The following NEK7 variants were observed in gnomAD, a reference collection of about 807,000 sequenced individuals.
The protein encoded by NEK7 is NIMA related kinase 7, also known as serine/threonine-protein kinase Nek7.
Under a neutral mutation model 44.6 loss-of-function variants are expected in NEK7, and 18 were observed. That is an observed-to-expected ratio of 0.40 (90% CI 0.28 to 0.60). The LOEUF is 0.60. NEK7 is among the 20% of genes least tolerant of loss of function. NEK7 has a pLI of 0.38. For synonymous variants in NEK7, 130 were observed against 121.1 expected, an observed-to-expected ratio of 1.07 and a Z score of -0.48; for missense variants, 256 against 366.5, an observed-to-expected ratio of 0.70 and a Z score of 2.46.
At chr1:198,161,654 G>A (rs1451306442) in intron 1 of NEK7, among the ~76,000 whole-genome samples, 1 of 152,038 alleles carries the variant, frequency 6.6e-6, no homozygotes, top group African/African-American at 2.4e-5. Flanking sequence ...GAGTTTGTCA[G>A]CATAAGAACC....
At chr1:198,259,247 C>T (rs1477880664) in intron 3 of NEK7, among the ~76,000 whole-genome samples, 1 of 151,932 alleles carries the variant, frequency 6.6e-6, no homozygotes, top group Non-Finnish European at 1.5e-5. Context: ...TTATGGTTTC[C>T]TAAAACTCTT....
chr1:198,297,197 A>G lies in NEK7; in HGVS notation c.755A>G (p.Gln252Arg). The G allele has an allele frequency of 6.2e-7, 1 of 1,613,666 alleles. No individual in the cohort carries two copies. The highest frequency in any genetic ancestry group is 8.5e-7 in the Non-Finnish European group (1 of 1,179,750). The change falls in exon 9 of 10, where the codon CAG (glutamine) becomes CGG (arginine). Residue 252 changes from glutamine (Q) to arginine (R), a missense_variant. Around this residue, in one of 3 missense-constraint regions of NEK7, gnomAD observed 58 missense variants for 66.5 expected, o/e 0.87. Transcript: ENST00000367385. ...NLYSLCKKIE[Q>R]CDYPPLPSDH... ...TACTCACTGTGTAAGAAGATAGAACAGTGTGACTACCCACCTCTTCCTTCA... is the reference window on the plus strand; with the variant it reads ...TACTCACTGTGTAAGAAGATAGAACGGTGTGACTACCCACCTCTTCCTTCA...
At chr1:198,272,183 A>C (rs1489639941) in intron 5 of NEK7, among the ~76,000 whole-genome samples, 1 of 151,702 alleles carries the variant, frequency 6.6e-6, no homozygotes, top group Non-Finnish European at 1.5e-5. Context: ...CCGTGAAATG[A>C]CCATTATTTA....
intron 1 of NEK7, among the ~76,000 whole-genome samples, chr1:198,163,402 A>T (rs1438950844): frequency 1.3e-5 from 2 of 152,008 alleles, no homozygotes; most frequent in East Asian, 3.9e-4. Context: ...AGGCTAAGGC[A>T]GGAGGATTGC....
intron 2 of NEK7, among the ~76,000 whole-genome samples, chr1:198,239,860 C>A (rs1047271660): frequency 2.6e-5 from 4 of 152,094 alleles, no homozygotes; most frequent in African/African-American, 9.7e-5. Flanking sequence ...TCCACAAACC[C>A]CGACAGGATA....
chr1:198,169,260 T>G (rs539929264), intron 1 of NEK7, among the ~76,000 whole-genome samples: 1 of 152,318 alleles, frequency 6.6e-6, no homozygotes, highest in African/African-American at 2.4e-5. Context: ...ATGAGATGCT[T>G]CTTATTTTTG....
At chr1:198,171,605 G>A (rs1270336734) in intron 1 of NEK7, among the ~76,000 whole-genome samples, 1 of 152,028 alleles carries the variant, frequency 6.6e-6, no homozygotes, top group Non-Finnish European at 1.5e-5. Context: ...CTGGAACCCA[G>A]GAAGTGGAGG....
intron 5 of NEK7, among the ~76,000 whole-genome samples, chr1:198,267,014 T>TCCTTCCAATTTTTTATCTTTA (rs1653675138): frequency 6.6e-6 from 1 of 152,090 alleles, no homozygotes; most frequent in Non-Finnish European, 1.5e-5. Context: ...TACTTGTGTC[T>TCCTTCCAATTTTTTATCTTTA]GTTACTGTTC....
intron 2 of NEK7, among the ~76,000 whole-genome samples, chr1:198,242,992 C>G (rs1051994486): frequency 3.3e-5 from 5 of 151,968 alleles, no homozygotes; most frequent in African/African-American, 1.2e-4. Context: ...CCTCTTTAAC[C>G]TCATTTCTAA....
At chr1:198,276,911 T>C (rs1654034392) in intron 5 of NEK7, among the ~76,000 whole-genome samples, 3 of 151,668 alleles carry the variant, frequency 2.0e-5, no homozygotes, top group Admixed American at 2.0e-4. Context: ...GGTAGCTGTT[T>C]TAGAATTTTC....
At chr1:198,308,840 T>TC (rs57847375) in intron 9 of NEK7, among the ~76,000 whole-genome samples, 6,679 of 152,156 alleles carry the variant, frequency 0.044, 229 homozygotes, top group Middle Eastern at 0.065. Flanking sequence ...TAGAATTCTC[T>TC]CCCCCCCTTT....
At chr1:198,161,863 T>C (rs757517480) in intron 1 of NEK7, among the ~76,000 whole-genome samples, 1 of 152,012 alleles carries the variant, frequency 6.6e-6, no homozygotes, top group Non-Finnish European at 1.5e-5. Context: ...AACTTACTCA[T>C]ATGTTTCTTT....
chr1:198,171,764 G>C (rs975619446), intron 1 of NEK7, among the ~76,000 whole-genome samples: 1 of 152,056 alleles, frequency 6.6e-6, no homozygotes, highest in Non-Finnish European at 1.5e-5. Context: ...TAGGGCACTG[G>C]TTGTAGTTCC....
intron 1 of NEK7, among the ~76,000 whole-genome samples, chr1:198,231,690 G>C (rs546622366): frequency 6.6e-6 from 1 of 151,954 alleles, no homozygotes; most frequent in Non-Finnish European, 1.5e-5. Context: ...CCATTGGGAA[G>C]GTTTTAGAAA....
rs1655489067 is a variant in NEK7 at position 198,319,975 on chromosome 1, A to T, written c.*453A>T. The T allele has an allele frequency of 6.6e-6, 1 of 152,494 alleles. No individual in the cohort carries two copies. Among genetic ancestry groups the T allele is most frequent in the Non-Finnish European group, 1.5e-5 (1 of 68,240 alleles). The allele number at this position is 152,494 out of a possible 1,614,324, so 9.4% of individuals were successfully genotyped here. ...AATTGTGAACTTTTGTGAAGATTTT[A>T]TTTTTAAACGTTTGAAGTACTAGTT... On this transcript the variant is annotated 3_prime_UTR_variant, in exon 10 of 10. Coordinates refer to ENST00000367385, the MANE Select transcript of NEK7 (RefSeq NM_133494.3).
chr1:198,244,285 A>T (rs1174488252), intron 2 of NEK7, among the ~76,000 whole-genome samples: 1 of 152,142 alleles, frequency 6.6e-6, no homozygotes, highest in South Asian at 2.1e-4. Flanking sequence ...TTATCAGTAC[A>T]TAATTTTCTC....
intron 1 of NEK7, among the ~76,000 whole-genome samples, chr1:198,190,088 T>C (rs1045123077): frequency 3.3e-5 from 5 of 152,172 alleles, no homozygotes; most frequent in Non-Finnish European, 7.4e-5. Context: ...GAAACAGAAG[T>C]ATTTTAATGA....
chr1:198,297,758 A>G (rs1405812535), intron 9 of NEK7, among the ~76,000 whole-genome samples: 1 of 152,194 alleles, frequency 6.6e-6, no homozygotes, highest in Non-Finnish European at 1.5e-5. Flanking sequence ...TCCTTTGACA[A>G]TACCTGTCCT....
intron 6 of NEK7, among the ~76,000 whole-genome samples, chr1:198,278,738 A>C (rs1046304258): frequency 2.0e-5 from 3 of 151,942 alleles, no homozygotes; most frequent in Non-Finnish European, 4.4e-5. Context: ...AATCATGTTC[A>C]TCATGCTACA....
Sources: gnomAD v4.1 joint callset for allele counts (sites outside exome capture counted in the v4.1 genomes callset) on GRCh38, gnomAD v4.1.1 for gene constraint, gnomAD v4.1.1 regional missense constraint, MANE v1.5 for transcripts, NCBI Gene and HGNC (gene_info 2026-07-23, HGNC 2026-07-21) for gene names.